Variants in BICC1 observed in about 807,000 individuals in gnomAD.
BICC1 encodes the protein protein bicaudal C homolog 1.
Under a neutral mutation model 111.0 loss-of-function variants are expected in BICC1, and 43 were observed. That is an observed-to-expected ratio of 0.39 (90% CI 0.30 to 0.50). BICC1 has a LOEUF of 0.50. Among genes scored for constraint, BICC1 ranks in the 20% least tolerant of loss-of-function variants. BICC1 has a pLI of 0.88. For missense variants in BICC1, 1,091 were observed against 1,203.2 expected, an observed-to-expected ratio of 0.91 and a Z score of 1.38; for synonymous variants, 467 against 434.4, an observed-to-expected ratio of 1.07 and a Z score of -0.93.
chr10:58,723,389 GA>G (rs969679560), intron 3 of BICC1, among the ~76,000 whole-genome samples: 1 of 152,090 alleles, frequency 6.6e-6, no homozygotes, highest in African/African-American at 2.4e-5. Flanking sequence ...AAAATGCATG[GA>G]AAAAAATTAA....
At chr10:58,740,363 A>C (rs1288081086) in intron 3 of BICC1, among the ~76,000 whole-genome samples, 3 of 152,226 alleles carry the variant, frequency 2.0e-5, no homozygotes, top group Non-Finnish European at 4.4e-5. Context: ...TCAGAGTCTT[A>C]AGGTTTTGTG....
intron 2 of BICC1, among the ~76,000 whole-genome samples, chr10:58,668,004 G>T (rs1313030171): frequency 6.6e-6 from 1 of 151,994 alleles, no homozygotes; most frequent in Non-Finnish European, 1.5e-5. Flanking sequence ...TCTCATCTTG[G>T]CTTACTGTAA....
intron 20 of BICC1, chr10:58,823,988 T>G (rs1046218114): frequency 2.0e-6 from 2 of 985,274 alleles, no homozygotes; most frequent in African/African-American, 3.5e-5. Flanking sequence ...GCATGTGTCT[T>G]TTGCTTGTAA....
At chr10:58,780,764 A>C (rs1375140918) in intron 3 of BICC1, among the ~76,000 whole-genome samples, 1 of 152,198 alleles carries the variant, frequency 6.6e-6, no homozygotes, top group Non-Finnish European at 1.5e-5. Context: ...AGCATAACTA[A>C]ACTTCACATT....
intron 1 of BICC1, among the ~76,000 whole-genome samples, chr10:58,529,344 A>G (rs1233447097): frequency 2.6e-5 from 4 of 151,894 alleles, no homozygotes; most frequent in African/African-American, 9.7e-5. Flanking sequence ...ATACATCTGT[A>G]TCTGTCCAGA....
intron 1 of BICC1, among the ~76,000 whole-genome samples, chr10:58,526,816 T>C (rs377017378): frequency 1.3e-5 from 2 of 152,192 alleles, no homozygotes; most frequent in African/African-American, 2.4e-5. Context: ...TTTTCTTAAT[T>C]CAGTCTATCA....
At chr10:58,591,077 C>T (rs1844600243) in intron 1 of BICC1, among the ~76,000 whole-genome samples, 1 of 152,118 alleles carries the variant, frequency 6.6e-6, no homozygotes. Context: ...ACACCTGGCT[C>T]AGCATTTTTT....
chr10:58,587,965 C>T (rs1844483051), intron 1 of BICC1, among the ~76,000 whole-genome samples: 1 of 152,088 alleles, frequency 6.6e-6, no homozygotes, highest in African/African-American at 2.4e-5. Flanking sequence ...TTTCATCTTC[C>T]ACCATTGAAG....
intron 3 of BICC1, among the ~76,000 whole-genome samples, chr10:58,774,351 C>A (rs1842695528): frequency 6.6e-6 from 1 of 152,146 alleles, no homozygotes; most frequent in South Asian, 2.1e-4. Context: ...TTAAAGTTCT[C>A]AATTTTTAAG....
chr10:58,648,627 C>T (rs1716494970), intron 2 of BICC1: 1 of 984,788 alleles, frequency 1.0e-6, no homozygotes, highest in African/African-American at 1.7e-5. Context: ...CTTACAGAGA[C>T]ACACACAGAG....
At chr10:58,561,750 TG>T (rs1234227445) in intron 1 of BICC1, among the ~76,000 whole-genome samples, 1 of 152,104 alleles carries the variant, frequency 6.6e-6, no homozygotes, top group Non-Finnish European at 1.5e-5. Flanking sequence ...GCTTTCATGA[TG>T]TTAAATTTTG....
At chr10:58,554,737 T>C (rs989599737) in intron 1 of BICC1, among the ~76,000 whole-genome samples, 1 of 151,928 alleles carries the variant, frequency 6.6e-6, no homozygotes, top group Non-Finnish European at 1.5e-5. Context: ...TTAAACAATG[T>C]GATATCAATG....
At chr10:58,712,912 C>T (rs1840623100) in intron 3 of BICC1, among the ~76,000 whole-genome samples, 2 of 152,064 alleles carry the variant, frequency 1.3e-5, no homozygotes, top group Non-Finnish European at 2.9e-5. Flanking sequence ...CTTGATTTTG[C>T]TCTGAGCCGG....
At chr10:58,623,906 A>G (rs1780955231) in intron 2 of BICC1, among the ~76,000 whole-genome samples, 1 of 152,142 alleles carries the variant, frequency 6.6e-6, no homozygotes, top group African/African-American at 2.4e-5. Context: ...GGACATTTGG[A>G]GAAAACAATT....
intron 20 of BICC1, among the ~76,000 whole-genome samples, chr10:58,826,374 A>G (rs1478789736): frequency 2.0e-5 from 3 of 152,234 alleles, no homozygotes; most frequent in Non-Finnish European, 2.9e-5. Context: ...TTGAGGAGAA[A>G]GACTATACAC....
intron 3 of BICC1, among the ~76,000 whole-genome samples, chr10:58,737,146 G>T (rs913374509): frequency 1.3e-5 from 2 of 152,032 alleles, no homozygotes; most frequent in Non-Finnish European, 2.9e-5. Flanking sequence ...TGTACAACGT[G>T]CAGGTTTGTT....
intron 1 of BICC1, among the ~76,000 whole-genome samples, chr10:58,565,285 C>T (rs1196571267): frequency 1.3e-5 from 2 of 152,182 alleles, no homozygotes; most frequent in African/African-American, 4.8e-5. Context: ...TGCCTAGGAA[C>T]ACAGTGTGAA....
At position 58,760,303 on chromosome 10, in the gene BICC1, G is replaced by T. The variant is rs16912572; in HGVS notation, c.308-24698G>T. 6.7e-3 allele frequency among the ~76,000 whole-genome samples: 1,017 copies of T among 152,152 alleles called. 18 individuals carry two copies. The highest frequency in any genetic ancestry group is 0.023 in the African/African-American group (967 of 41,506). On this transcript the variant is annotated intron_variant, in intron 3 of 20. Coordinates refer to ENST00000373886, the MANE Select transcript of BICC1 (RefSeq NM_001080512.3). ...CCCCAAATGACGTTTTCCACTATTTGCAGCTCCTTAGTGTATCTATACCTA... is the reference window on the plus strand; with the variant it reads ...CCCCAAATGACGTTTTCCACTATTTTCAGCTCCTTAGTGTATCTATACCTA...
At chr10:58,632,505 ATT>A (rs1224920221) in intron 2 of BICC1, among the ~76,000 whole-genome samples, 1 of 146,712 alleles carries the variant, frequency 6.8e-6, no homozygotes, top group African/African-American at 2.5e-5. Context: ...GGAGGGAGTG[ATT>A]TTTTTTTTTT....
Sources: gnomAD v4.1 joint callset for allele counts (sites outside exome capture counted in the v4.1 genomes callset) on GRCh38, gnomAD v4.1.1 for gene constraint, MANE v1.5 for transcripts, NCBI Gene and HGNC (gene_info 2026-07-23, HGNC 2026-07-21) for gene names.